Variants in FSTL5 observed in about 807,000 individuals in gnomAD.
The protein encoded by FSTL5 is follistatin like 5, also known as follistatin-related protein 5.
In FSTL5, 62 loss-of-function variants were observed where a neutral mutation model predicts 89.1. The observed-to-expected ratio is 0.70, with a 90% CI of 0.57 to 0.86. The LOEUF is 0.86. FSTL5 is among the 40% of genes least tolerant of loss of function. The pLI, the probability that FSTL5 is intolerant of heterozygous loss-of-function variation, is 0.00. For synonymous variants in FSTL5, 383 were observed against 346.2 expected, an observed-to-expected ratio of 1.11 and a Z score of -1.18; for missense variants, 1,057 against 1,001.6, an observed-to-expected ratio of 1.06 and a Z score of -0.75.
At chr4:161,871,546 T>A (rs540275556) in intron 4 of FSTL5, among the ~76,000 whole-genome samples, 2 of 152,140 alleles carry the variant, frequency 1.3e-5, no homozygotes, top group Non-Finnish European at 2.9e-5. Flanking sequence ...TAAACCTACA[T>A]ATATTATCAC....
chr4:161,817,205 C>T (rs532205844), intron 4 of FSTL5, among the ~76,000 whole-genome samples: 9 of 152,194 alleles, frequency 5.9e-5, no homozygotes, highest in South Asian at 2.1e-4. Context: ...CTGAAACATG[C>T]GTGTGTCATT....
At chr4:161,533,017 A>G (rs934681073) in intron 10 of FSTL5, among the ~76,000 whole-genome samples, 1 of 151,108 alleles carries the variant, frequency 6.6e-6, no homozygotes, top group Admixed American at 6.6e-5. Context: ...ATAAAAAAAA[A>G]TCTTTGAAAT....
intron 4 of FSTL5, among the ~76,000 whole-genome samples, chr4:161,887,593 T>C (rs1732856522): frequency 6.6e-6 from 1 of 152,166 alleles, no homozygotes; most frequent in African/African-American, 2.4e-5. Context: ...ACCTTTAGCA[T>C]CTTTTAATTT....
intron 15 of FSTL5, among the ~76,000 whole-genome samples, chr4:161,441,857 A>C (rs1426289834): frequency 2.0e-5 from 3 of 152,140 alleles, no homozygotes; most frequent in African/African-American, 7.2e-5. Context: ...CCCTGAGCCG[A>C]CTATGGCCAG....
intron 3 of FSTL5, among the ~76,000 whole-genome samples, chr4:161,991,877 C>G (rs1376016977): frequency 6.6e-6 from 1 of 152,102 alleles, no homozygotes; most frequent in Non-Finnish European, 1.5e-5. Flanking sequence ...GGTGGGTAGA[C>G]CTTACAAAGA....
At chr4:161,829,616 G>A (rs1479103670) in intron 4 of FSTL5, among the ~76,000 whole-genome samples, 1 of 152,030 alleles carries the variant, frequency 6.6e-6, no homozygotes, top group East Asian at 1.9e-4. Context: ...CAAACACTTT[G>A]TAAATGAGAA....
intron 3 of FSTL5, among the ~76,000 whole-genome samples, chr4:162,007,693 C>T (rs752564800): frequency 9.2e-5 from 14 of 151,602 alleles, no homozygotes; most frequent in South Asian, 2.1e-4. Context: ...GACTCTCTGC[C>T]GTGTAATAGG....
chr4:161,543,463 A>T (rs1731901646), intron 8 of FSTL5, among the ~76,000 whole-genome samples: 1 of 151,942 alleles, frequency 6.6e-6, no homozygotes, highest in Admixed American at 6.6e-5. Flanking sequence ...TTTTCGAGAA[A>T]TTAAAAAAAC....
chr4:161,527,887 A>T (rs1731281000), intron 10 of FSTL5, among the ~76,000 whole-genome samples: 1 of 150,716 alleles, frequency 6.6e-6, no homozygotes, highest in Non-Finnish European at 1.5e-5. Context: ...AAAGACTTGG[A>T]ACCAACCCAA....
chr4:161,808,464 A>C (rs1730038411), intron 4 of FSTL5, among the ~76,000 whole-genome samples: 1 of 152,206 alleles, frequency 6.6e-6, no homozygotes, highest in Non-Finnish European at 1.5e-5. Context: ...ATAAACAAAA[A>C]GTTTGACTTT....
chr4:161,826,594 A>T (rs1730676882), intron 4 of FSTL5, among the ~76,000 whole-genome samples: 1 of 152,032 alleles, frequency 6.6e-6, no homozygotes, highest in Non-Finnish European at 1.5e-5. Flanking sequence ...CTTATTTAGG[A>T]TTGTCATTTT....
Position 161,643,057 on chromosome 4 carries a change from A to G in FSTL5, c.894+13271T>C, listed in dbSNP as rs1286273740. ...TTGGTTTATATAAGTCTTGTTCTAA[A>G]TACATGAGTTAATATTTTTTTAAAT... On this transcript the variant is annotated intron_variant, in intron 7 of 15. Coordinates refer to ENST00000306100, the MANE Select transcript of FSTL5 (RefSeq NM_020116.5). Among the ~76,000 whole-genome samples the G allele has an allele frequency of 2.0e-5, 3 of 152,338 alleles. No individual in the cohort carries two copies. In the East Asian group the frequency reaches 5.8e-4, roughly 29 times the overall value.
chr4:161,417,836 T>A (rs143256739), intron 15 of FSTL5, among the ~76,000 whole-genome samples: 9 of 152,362 alleles, frequency 5.9e-5, no homozygotes, highest in African/African-American at 1.9e-4. Context: ...TAAATTACTT[T>A]GGCACCATGT....
intron 15 of FSTL5, among the ~76,000 whole-genome samples, chr4:161,394,176 T>A (rs1291801464): frequency 6.6e-6 from 1 of 152,248 alleles, no homozygotes; most frequent in Non-Finnish European, 1.5e-5. Flanking sequence ...TTTTAACTTT[T>A]GTTTTTACCT....
chr4:161,818,101 G>A (rs1367909563), intron 4 of FSTL5, among the ~76,000 whole-genome samples: 5 of 152,296 alleles, frequency 3.3e-5, no homozygotes, highest in African/African-American at 9.6e-5. Flanking sequence ...TGGATGTGGA[G>A]AGGAGCACAT....
intron 3 of FSTL5, among the ~76,000 whole-genome samples, chr4:162,022,034 T>A (rs10007338): frequency 5.9e-4 from 87 of 147,726 alleles, no homozygotes; most frequent in Middle Eastern, 3.5e-3. Context: ...GAGATTGCAG[T>A]GGGCCGAGAT....
At chr4:161,893,436 G>T (rs1003269731) in intron 4 of FSTL5, among the ~76,000 whole-genome samples, 1 of 151,950 alleles carries the variant, frequency 6.6e-6, no homozygotes, top group Non-Finnish European at 1.5e-5. Context: ...ATAATTTTTT[G>T]ATTGTGGTTT....
In FSTL5 at chr4:161,403,253, C is replaced by A. The variant is rs187082829; in HGVS notation, c.1842-16804G>T. 2.0e-3 allele frequency among the ~76,000 whole-genome samples: 298 copies of A among 152,290 alleles called. 1 individual carries two copies. Among genetic ancestry groups the A allele is most frequent in the Non-Finnish European group, 2.5e-3 (170 of 68,028 alleles). On this transcript the variant is annotated intron_variant, in intron 15 of 15. Coordinates refer to ENST00000306100, the MANE Select transcript of FSTL5 (RefSeq NM_020116.5). ...CCTATAGGATTTCCTGATTTACAAA[C>A]TTCTTAGCCACTAGAATTTTTTGCT...
chr4:161,400,074 C>A (rs1374983436), intron 15 of FSTL5, among the ~76,000 whole-genome samples: 2 of 152,078 alleles, frequency 1.3e-5, no homozygotes, highest in African/African-American at 4.8e-5. Context: ...ACTTTTATTT[C>A]ATTTCTTCAC....
Sources: allele counts gnomAD v4.1 joint callset (sites outside exome capture counted in the v4.1 genomes callset), GRCh38; gene constraint gnomAD v4.1.1; transcripts MANE v1.5; gene names NCBI Gene and HGNC (gene_info 2026-07-23, HGNC 2026-07-21).